The following NCAM1 variants were observed in gnomAD, a reference collection of about 807,000 sequenced individuals.
The protein encoded by NCAM1 is neural cell adhesion molecule 1, also known as antigen recognized by monoclonal antibody 5.1H11.
In NCAM1, 14 loss-of-function variants were observed where a neutral mutation model predicts 109.8. That is an observed-to-expected ratio of 0.13 (90% CI 0.08 to 0.20). The LOEUF (loss-of-function observed/expected upper bound fraction) is 0.20, where lower values mean the gene tolerates loss of function less well. NCAM1 is among the 10% of genes least tolerant of loss of function. NCAM1 has a pLI of 1.00. For synonymous variants in NCAM1, 418 were observed against 442.9 expected (o/e 0.94, Z 0.70); for missense variants, 774 against 1,109.9 (o/e 0.70, Z 4.30).
At chr11:112,964,243 T>A (rs1950668649) in intron 1 of NCAM1, among the ~76,000 whole-genome samples, 1 of 150,226 alleles carries the variant, frequency 6.7e-6, no homozygotes, top group Non-Finnish European at 1.5e-5. Flanking sequence ...AATTTACATA[T>A]AAGGCAAGCT....
At chr11:113,135,117 G>C (rs1941551109) in intron 1 of NCAM1, among the ~76,000 whole-genome samples, 1 of 152,150 alleles carries the variant, frequency 6.6e-6, no homozygotes, top group African/African-American at 2.4e-5. Context: ...GAAAGGGTGG[G>C]AGCTAAGGAG....
Position 113,214,476 on chromosome 11 carries a change from A to C in NCAM1, c.1024A>C (p.Arg342=). 2 of 1,612,170 alleles carry C rather than the reference A, an allele frequency of 1.2e-6. No homozygotes were observed. Among genetic ancestry groups the C allele is most frequent in the South Asian group, 1.1e-5 (1 of 90,532 alleles). ...SGDPIPSITW[R]TSTRNISSEE... ...AGACCCCATTCCCTCCATCACCTGGAGGACTTCTACCCGGAACATCAGCAG... is the reference window on the plus strand; with the variant it reads ...AGACCCCATTCCCTCCATCACCTGGCGGACTTCTACCCGGAACATCAGCAG... The change falls in exon 8 of 20, where the codon AGG becomes CGG. Residue 342 remains arginine (R), a synonymous_variant. Transcript: ENST00000316851.
intron 1 of NCAM1, among the ~76,000 whole-genome samples, chr11:113,128,907 GT>G (rs58008007): frequency 0.57 from 60,832 of 106,616 alleles, 13,513 homozygotes; most frequent in Middle Eastern, 0.66. Context: ...AGTTGTGAGG[GT>G]GTGTGTGTGT....
chr11:113,207,765 C>G, intron 6 of NCAM1, 68 bp from the exon 7 acceptor site: 3 of 1,487,684 alleles, frequency 2.0e-6, no homozygotes, highest in Non-Finnish European at 1.8e-6. Flanking sequence ...TCTATGGAAC[C>G]TAATTAAAAA....
intron 1 of NCAM1, among the ~76,000 whole-genome samples, chr11:112,966,425 T>C (rs1950729978): frequency 6.6e-6 from 1 of 152,224 alleles, no homozygotes; most frequent in East Asian, 1.9e-4. Flanking sequence ...CTCTGAATCC[T>C]AATGATTAGG....
chr11:113,233,047 AG>A lies in NCAM1; in HGVS notation c.1523-99del. ...ACAGGATACAGTGACAGGATTCCCA[AG>A]AGTGAGCAGAAATGACAGAGATGTG... is the stretch of plus-strand genomic sequence containing the variant. On this transcript the variant is annotated intron_variant, in intron 12 of 19. Transcript: ENST00000316851. This position sits in a 1 kb window ranked among gnomAD's most constrained non-coding sequence, Gnocchi z 4.5. 7.9e-7 allele frequency: 1 copy of A among 1,266,142 alleles called. No individual in the cohort carries two copies. Among genetic ancestry groups the A allele is most frequent in the Non-Finnish European group, 1.1e-6 (1 of 907,086 alleles). The allele number at this position is 1,266,142 out of a possible 1,614,324, so 78.4% of individuals were successfully genotyped here.
chr11:113,122,789 AAATAAT>A (rs782463170), intron 1 of NCAM1, among the ~76,000 whole-genome samples: 40 of 152,184 alleles, frequency 2.6e-4, no homozygotes, highest in Admixed American at 7.8e-4. Context: ...CGTCTCAAAA[AAATAAT>A]AATAATAAAA....
chr11:113,088,360 C>T (rs927495538), intron 1 of NCAM1, among the ~76,000 whole-genome samples: 3 of 152,142 alleles, frequency 2.0e-5, no homozygotes, highest in Non-Finnish European at 4.4e-5. Context: ...ATTTTACTAT[C>T]CTTAGAAGAC....
At chr11:113,117,028 G>A (rs1940743191) in intron 1 of NCAM1, among the ~76,000 whole-genome samples, 1 of 151,854 alleles carries the variant, frequency 6.6e-6, no homozygotes, top group African/African-American at 2.4e-5. Flanking sequence ...AATAAGACTG[G>A]AGTAGACATA....
At chr11:113,264,732 G>A in intron 17 of NCAM1, 1 of 985,348 alleles carries the variant, frequency 1.0e-6, no homozygotes, top group African/African-American at 1.7e-5. Context: ...GGAGAGGACT[G>A]ACGTGGCCCT....
chr11:113,041,990 C>A (rs1953095230), intron 1 of NCAM1, among the ~76,000 whole-genome samples: 1 of 152,196 alleles, frequency 6.6e-6, no homozygotes. Context: ...TTTCTAATTT[C>A]ATGGAAAAAA....
intron 17 of NCAM1, chr11:113,263,684 C>G (rs2137692845): frequency 1.0e-6 from 1 of 985,566 alleles, no homozygotes; most frequent in Non-Finnish European, 1.2e-6. Context: ...GGGTGACTCC[C>G]CTGCTGCCTG....
intron 1 of NCAM1, among the ~76,000 whole-genome samples, chr11:113,069,738 A>G (rs1489204483): frequency 6.6e-6 from 1 of 152,238 alleles, no homozygotes; most frequent in African/African-American, 2.4e-5. Flanking sequence ...GATTCTTAAT[A>G]TGCAGGATTG....
intron 1 of NCAM1, among the ~76,000 whole-genome samples, chr11:113,183,946 A>T (rs1943411243): frequency 6.6e-6 from 1 of 152,230 alleles, no homozygotes; most frequent in Non-Finnish European, 1.5e-5. Flanking sequence ...TTCTACATGT[A>T]GGCAATGTCT....
In NCAM1 at chr11:113,235,174, G is replaced by A. The variant is rs782405459; in HGVS notation, c.1825+10G>A. On this transcript the variant is annotated intron_variant, in intron 14 of 19. Transcript: ENST00000316851. Reference sequence around the variant, plus strand: ...AAGACGCAGCCAGTCCGTAAGTAAAGCCAGCTGCCCCCCTTTTCCCAGCCC... The same window carrying A: ...AAGACGCAGCCAGTCCGTAAGTAAAACCAGCTGCCCCCCTTTTCCCAGCCC... The A allele has an allele frequency of 1.9e-6, 3 of 1,613,918 alleles. No homozygotes were observed. The highest frequency in any genetic ancestry group is 4.5e-5 in the East Asian group (2 of 44,876).
At chr11:113,063,967 T>A (rs1937808168) in intron 1 of NCAM1, among the ~76,000 whole-genome samples, 1 of 152,240 alleles carries the variant, frequency 6.6e-6, no homozygotes, top group Non-Finnish European at 1.5e-5. Context: ...ATAATGCAGT[T>A]TCTTTGCCAA....
chr11:113,013,471 C>G (rs1369764118), intron 1 of NCAM1, among the ~76,000 whole-genome samples: 4 of 150,594 alleles, frequency 2.7e-5, no homozygotes, highest in African/African-American at 7.3e-5. Context: ...AAGAAAAATC[C>G]ACAAAAATGT....
At chr11:113,196,318 G>A (rs1943854500) in intron 1 of NCAM1, among the ~76,000 whole-genome samples, 1 of 152,128 alleles carries the variant, frequency 6.6e-6, no homozygotes, top group African/African-American at 2.4e-5. Context: ...TTTTGGCTGT[G>A]GTTAAATTCA....
At chr11:113,149,306 A>G (rs1942137525) in intron 1 of NCAM1, among the ~76,000 whole-genome samples, 1 of 152,180 alleles carries the variant, frequency 6.6e-6, no homozygotes, top group Non-Finnish European at 1.5e-5. Context: ...AACAATGACA[A>G]GAGCAAACAT....
Sources: gnomAD v4.1 joint callset for allele counts (sites outside exome capture counted in the v4.1 genomes callset) on GRCh38, gnomAD v4.1.1 for gene constraint, Gnocchi (gnomAD v3.1) non-coding constraint, MANE v1.5 for transcripts, NCBI Gene and HGNC (gene_info 2026-07-23, HGNC 2026-07-21) for gene names.